SUCLG2: variants seen among roughly 807,000 people sequenced by gnomAD.
The protein encoded by SUCLG2 is succinate--CoA ligase [GDP-forming] subunit beta, mitochondrial.
In SUCLG2, 42 loss-of-function variants were observed where a neutral mutation model predicts 47.9. The observed-to-expected ratio is 0.88, with a 90% CI of 0.69 to 1.14. The LOEUF is 1.14. SUCLG2 is among the 50% of genes most tolerant of loss of function. The pLI is 0.00. For missense variants in SUCLG2, 571 were observed against 525.9 expected, an observed-to-expected ratio of 1.09 and a Z score of -0.84; for synonymous variants, 195 against 197.3, an observed-to-expected ratio of 0.99 and a Z score of 0.10.
chr3:67,483,464 C>T (rs958842485), intron 9 of SUCLG2, among the ~76,000 whole-genome samples: 5 of 152,130 alleles, frequency 3.3e-5, no homozygotes, highest in Non-Finnish European at 7.3e-5. Flanking sequence ...ATAACAAACA[C>T]CTGGCATTTT....
At chr3:67,362,017 CA>C (rs1701809577) in intron 10 of SUCLG2, among the ~76,000 whole-genome samples, 8 of 152,204 alleles carry the variant, frequency 5.3e-5, no homozygotes, top group Admixed American at 4.6e-4. Context: ...GTGAATAAGC[CA>C]AACCAACAGG....
intron 2 of SUCLG2, among the ~76,000 whole-genome samples, chr3:67,529,970 CA>C (rs1268607190): frequency 1.3e-5 from 2 of 152,180 alleles, no homozygotes; most frequent in African/African-American, 4.8e-5. Context: ...CCTCCCCAAC[CA>C]CCAAAACAAA....
intron 1 of SUCLG2, among the ~76,000 whole-genome samples, chr3:67,610,459 T>C (rs1575814680): frequency 6.7e-6 from 1 of 148,818 alleles, no homozygotes; most frequent in Middle Eastern, 3.4e-3. Context: ...TATCCAATAA[T>C]ATCAACAGTA....
At chr3:67,610,283 A>G (rs1175623543) in intron 1 of SUCLG2, among the ~76,000 whole-genome samples, 2 of 152,188 alleles carry the variant, frequency 1.3e-5, no homozygotes, top group South Asian at 4.1e-4. Flanking sequence ...AACCTGAAAG[A>G]CTGACTATTA....
At chr3:67,382,000 C>T (rs372283167) in intron 10 of SUCLG2, among the ~76,000 whole-genome samples, 1 of 152,276 alleles carries the variant, frequency 6.6e-6, no homozygotes, top group South Asian at 2.1e-4. Context: ...GGTGCAGACG[C>T]CTCCTGCCTT....
intron 9 of SUCLG2, among the ~76,000 whole-genome samples, chr3:67,477,679 A>G (rs1704801652): frequency 6.6e-6 from 1 of 152,192 alleles, no homozygotes; most frequent in African/African-American, 2.4e-5. Flanking sequence ...TGGGTGACAG[A>G]GCAAGACTCT....
At chr3:67,611,964 C>G (rs968024789) in intron 1 of SUCLG2, among the ~76,000 whole-genome samples, 1 of 152,166 alleles carries the variant, frequency 6.6e-6, no homozygotes, top group African/African-American at 2.4e-5. Flanking sequence ...CAAAGGAATT[C>G]TTTTACAGAA....
intron 10 of SUCLG2, among the ~76,000 whole-genome samples, chr3:67,369,572 A>G (rs1009622742): frequency 6.6e-6 from 1 of 152,076 alleles, no homozygotes; most frequent in Non-Finnish European, 1.5e-5. Context: ...TGTAGCGGGG[A>G]GGAAAGGAGA....
chr3:67,636,702 T>A (rs1054831325), intron 1 of SUCLG2, among the ~76,000 whole-genome samples: 7 of 152,188 alleles, frequency 4.6e-5, no homozygotes, highest in African/African-American at 1.4e-4. Context: ...TTCACCGTGT[T>A]AGCCAAGATG....
At chr3:67,381,779 T>C (rs1380230692) in intron 10 of SUCLG2, among the ~76,000 whole-genome samples, 1 of 152,162 alleles carries the variant, frequency 6.6e-6, no homozygotes, top group Non-Finnish European at 1.5e-5. Context: ...CTTGCTCTAC[T>C]ACTAGGGGAT....
At chr3:67,432,235 C>T (rs1357712081) in intron 9 of SUCLG2, among the ~76,000 whole-genome samples, 3 of 152,162 alleles carry the variant, frequency 2.0e-5, no homozygotes, top group Non-Finnish European at 4.4e-5. Flanking sequence ...CATTGTTTTG[C>T]TGGTTTATTA....
At chr3:67,492,886 G>C (rs1024200874) in intron 9 of SUCLG2, among the ~76,000 whole-genome samples, 1 of 152,216 alleles carries the variant, frequency 6.6e-6, no homozygotes. Flanking sequence ...CTGACATCAT[G>C]AGTGGAAATA....
At chr3:67,471,490 C>T (rs1205556855) in intron 9 of SUCLG2, among the ~76,000 whole-genome samples, 1 of 152,166 alleles carries the variant, frequency 6.6e-6, no homozygotes, top group Non-Finnish European at 1.5e-5. Flanking sequence ...TAACTTACCA[C>T]TCTATTGAAA....
At chr3:67,451,298 G>A (rs1030584374) in intron 9 of SUCLG2, among the ~76,000 whole-genome samples, 1 of 152,186 alleles carries the variant, frequency 6.6e-6, no homozygotes, top group African/African-American at 2.4e-5. Flanking sequence ...ACATGCTCAA[G>A]TATTTTAAGA....
intron 1 of SUCLG2, among the ~76,000 whole-genome samples, chr3:67,650,368 T>C (rs146055675): frequency 6.6e-6 from 1 of 152,284 alleles, no homozygotes; most frequent in East Asian, 1.9e-4. Flanking sequence ...AGCAGGGGCA[T>C]GGGTTTAAGC....
At chr3:67,372,867 A>G (rs1701972586), downstream of SUCLG2, among the ~76,000 whole-genome samples, 1 of 152,138 alleles carries the variant, frequency 6.6e-6, no homozygotes. Context: ...CCTTTTATGT[A>G]AAGGGCCAAA....
At chr3:67,412,239 G>A (rs1233974531) in intron 9 of SUCLG2, among the ~76,000 whole-genome samples, 1 of 152,168 alleles carries the variant, frequency 6.6e-6, no homozygotes, top group Non-Finnish European at 1.5e-5. Context: ...GTAAGGAATT[G>A]AACAAAATGC....
At chr3:67,583,994 C>T (rs1191837193) in intron 2 of SUCLG2, among the ~76,000 whole-genome samples, 3 of 152,196 alleles carry the variant, frequency 2.0e-5, no homozygotes, top group Non-Finnish European at 4.4e-5. Flanking sequence ...TGTAATACCA[C>T]ATATTCAAGG....
At chr3:67,648,315 A>G (rs768291819) in intron 1 of SUCLG2, among the ~76,000 whole-genome samples, 18 of 152,306 alleles carry the variant, frequency 1.2e-4, no homozygotes, top group Non-Finnish European at 4.4e-5. Context: ...AGGAAGGTGG[A>G]TAAGAGTCCA....
Sources: allele counts gnomAD v4.1 joint callset (sites outside exome capture counted in the v4.1 genomes callset), GRCh38; gene constraint gnomAD v4.1.1; transcripts MANE v1.5; gene names NCBI Gene and HGNC (gene_info 2026-07-23, HGNC 2026-07-21).